GRM7: variants seen among roughly 807,000 people sequenced by gnomAD.
The protein encoded by GRM7 is glutamate metabotropic receptor 7.
Under a neutral mutation model 84.5 loss-of-function variants are expected in GRM7, and 35 were observed. The observed-to-expected ratio is 0.41, with a 90% CI of 0.32 to 0.55. The LOEUF is 0.55. Among genes scored for constraint, GRM7 ranks in the 20% least tolerant of loss-of-function variants. GRM7 has a pLI of 0.19. For synonymous variants in GRM7, 487 were observed against 455.1 expected (o/e 1.07, Z -0.89); for missense variants, 1,003 against 1,194.6 (o/e 0.84, Z 2.36).
chr3:7,656,547 G>GCACA (rs36040422), intron 8 of GRM7, among the ~76,000 whole-genome samples: 6,462 of 139,204 alleles, frequency 0.046, 168 homozygotes, highest in Middle Eastern at 0.088. Context: ...ATACGCGCGC[G>GCACA]CACACACACA....
chr3:7,075,423 T>A (rs1032438771), intron 1 of GRM7, among the ~76,000 whole-genome samples: 1 of 152,118 alleles, frequency 6.6e-6, no homozygotes, highest in African/African-American at 2.4e-5. Flanking sequence ...GCCTCTTCAC[T>A]GCCTTCCTTC....
intron 1 of GRM7, among the ~76,000 whole-genome samples, chr3:7,110,645 G>C (rs1366517285): frequency 7.0e-6 from 1 of 142,310 alleles, no homozygotes; most frequent in Non-Finnish European, 1.5e-5. Context: ...TTTTTTGCTA[G>C]AGGTGCCTTC....
At chr3:7,471,225 G>C (rs752756210) in intron 7 of GRM7, among the ~76,000 whole-genome samples, 10 of 150,970 alleles carry the variant, frequency 6.6e-5, no homozygotes, top group African/African-American at 2.4e-4. Context: ...AAAAATTACC[G>C]CTAATTTAGT....
intron 1 of GRM7, among the ~76,000 whole-genome samples, chr3:6,902,850 TACACAC>T (rs34849112): frequency 7.1e-4 from 96 of 134,538 alleles, no homozygotes; most frequent in Middle Eastern, 7.4e-3. Flanking sequence ...AACAGACTCC[TACACAC>T]ACACACACAC....
At chr3:7,577,486 G>C (rs1487344256) in intron 7 of GRM7, among the ~76,000 whole-genome samples, 2 of 152,156 alleles carry the variant, frequency 1.3e-5, no homozygotes, top group African/African-American at 4.8e-5. Flanking sequence ...TGATACCGGG[G>C]AAGAGAAAAG....
At chr3:7,415,320 G>T (rs559399771) in intron 5 of GRM7, among the ~76,000 whole-genome samples, 157 bp downstream of exon 5, 2 of 152,270 alleles carry the variant, frequency 1.3e-5, no homozygotes, top group East Asian at 3.9e-4. Context: ...CATACGTCTT[G>T]CAGGACAAAA....
intron 2 of GRM7, among the ~76,000 whole-genome samples, chr3:7,270,900 T>A (rs1463612285): frequency 6.6e-6 from 1 of 152,178 alleles, no homozygotes; most frequent in Non-Finnish European, 1.5e-5. Flanking sequence ...GCTATTTTGG[T>A]CCCAGTCCAC....
At chr3:7,055,503 GTGTA>G (rs1193701352) in intron 1 of GRM7, among the ~76,000 whole-genome samples, 1 of 148,622 alleles carries the variant, frequency 6.7e-6, no homozygotes. Flanking sequence ...GTGTGTGTGT[GTGTA>G]TGTATATATA....
chr3:7,402,618 A>T (rs535043807), intron 4 of GRM7, among the ~76,000 whole-genome samples: 1 of 152,290 alleles, frequency 6.6e-6, no homozygotes, highest in East Asian at 1.9e-4. Context: ...AGTTCTTCTC[A>T]AACCTGAAAA....
intron 1 of GRM7, among the ~76,000 whole-genome samples, chr3:6,933,896 T>C (rs1559337270): frequency 6.6e-6 from 1 of 152,160 alleles, no homozygotes; most frequent in Non-Finnish European, 1.5e-5. Context: ...GTAGGAAATA[T>C]TGACTTATAA....
chr3:7,698,881 C>G (rs899530714), intron 9 of GRM7, among the ~76,000 whole-genome samples: 16 of 152,250 alleles, frequency 1.1e-4, no homozygotes, highest in Middle Eastern at 3.4e-3. Flanking sequence ...CCCAAATTCT[C>G]TTCTGAAAGC....
At chr3:6,999,458 C>T (rs532156007) in intron 1 of GRM7, among the ~76,000 whole-genome samples, 11 of 152,278 alleles carry the variant, frequency 7.2e-5, no homozygotes, top group African/African-American at 2.6e-4. Flanking sequence ...CTGTTCCAAC[C>T]TCTGCCTGTT....
chr3:6,971,744 T>G (rs1693766479), intron 1 of GRM7, among the ~76,000 whole-genome samples: 1 of 152,186 alleles, frequency 6.6e-6, no homozygotes, highest in Non-Finnish European at 1.5e-5. Context: ...ACTGTTTTAT[T>G]CACTCTATTG....
intron 1 of GRM7, among the ~76,000 whole-genome samples, chr3:6,977,254 C>A (rs762302353): frequency 6.6e-6 from 1 of 152,066 alleles, no homozygotes; most frequent in Admixed American, 6.6e-5. Flanking sequence ...TCACCAAAAA[C>A]GAGAGTGCTT....
chr3:7,583,677 T>A (rs971683562), intron 8 of GRM7, among the ~76,000 whole-genome samples: 2 of 152,230 alleles, frequency 1.3e-5, no homozygotes, highest in African/African-American at 4.8e-5. Context: ...TGTGCTTTAA[T>A]TCTTGTTGGT....
intron 4 of GRM7, among the ~76,000 whole-genome samples, chr3:7,332,450 C>T (rs1445767659): frequency 6.6e-6 from 1 of 152,126 alleles, no homozygotes; most frequent in East Asian, 1.9e-4. Context: ...AATCGTTTTT[C>T]CAAGTAGCAT....
At position 6,993,302 on chromosome 3, in the gene GRM7, T is replaced by C. The variant is rs186584515; in HGVS notation, c.519+131395T>C. On this transcript the variant is annotated intron_variant, in intron 1 of 9. Coordinates refer to ENST00000357716, the MANE Select transcript of GRM7 (RefSeq NM_000844.4). ...ACTACAATTCAAGATGAGATTTGGG[T>C]GGGGACACAGCCAAACCATATTAGA... Among the ~76,000 whole-genome samples, 993 of 152,260 alleles carry C rather than the reference T, an allele frequency of 6.5e-3. 5 individuals carry two copies. Among genetic ancestry groups the C allele is most frequent in the Non-Finnish European group, 0.011 (740 of 68,014 alleles).
intron 4 of GRM7, among the ~76,000 whole-genome samples, chr3:7,334,123 A>G (rs1259247523): frequency 6.6e-6 from 1 of 152,148 alleles, no homozygotes; most frequent in Non-Finnish European, 1.5e-5. Context: ...CAGGAAATTC[A>G]TTGTAAAAAG....
chr3:7,077,038 A>C (rs1404896226), intron 1 of GRM7, among the ~76,000 whole-genome samples: 1 of 152,212 alleles, frequency 6.6e-6, no homozygotes, highest in Non-Finnish European at 1.5e-5. Context: ...ATCTCATGCC[A>C]GTTAGAATTG....
Sources: allele counts gnomAD v4.1 joint callset (sites outside exome capture counted in the v4.1 genomes callset), GRCh38; gene constraint gnomAD v4.1.1; transcripts MANE v1.5; gene names NCBI Gene and HGNC (gene_info 2026-07-23, HGNC 2026-07-21).